MDGA2: variants seen among roughly 807,000 people sequenced by gnomAD.
MDGA2 encodes MAM domain containing glycosylphosphatidylinositol anchor 2, also known as MAM domain-containing glycosylphosphatidylinositol anchor protein 2.
Under a neutral mutation model 117.8 loss-of-function variants are expected in MDGA2, and 40 were observed. The observed-to-expected ratio is 0.34, with a 90% CI of 0.26 to 0.44. The LOEUF is 0.44. Ranked by LOEUF, MDGA2 falls within the 20% of genes least tolerant of loss-of-function variation. The pLI is 1.00. For missense variants in MDGA2, 1,123 were observed against 1,250.6 expected, an observed-to-expected ratio of 0.90 and a Z score of 1.54; for synonymous variants, 452 against 439.0, an observed-to-expected ratio of 1.03 and a Z score of -0.37.
chr14:47,295,189 G>C (rs1889022308), intron 2 of MDGA2, among the ~76,000 whole-genome samples: 1 of 152,144 alleles, frequency 6.6e-6, no homozygotes, highest in Admixed American at 6.5e-5. Flanking sequence ...ATAAAAAGAA[G>C]AAAAGCAGAG....
At chr14:47,142,712 C>T (rs139734060) in intron 4 of MDGA2, among the ~76,000 whole-genome samples, 25 of 152,060 alleles carry the variant, frequency 1.6e-4, no homozygotes, top group African/African-American at 5.5e-4. Context: ...TAAAGTACTG[C>T]GGAATGTATG....
At chr14:46,901,463 T>G (rs2138447804) in intron 10 of MDGA2, among the ~76,000 whole-genome samples, 1 of 152,220 alleles carries the variant, frequency 6.6e-6, no homozygotes, top group South Asian at 2.1e-4. Context: ...CATACAAAAG[T>G]CAGTGGAACA....
intron 2 of MDGA2, among the ~76,000 whole-genome samples, chr14:47,262,115 T>A (rs1887816512): frequency 6.6e-6 from 1 of 152,096 alleles, no homozygotes; most frequent in South Asian, 2.1e-4. Context: ...GACAAGCAGA[T>A]CAGAGAGCTG....
intron 1 of MDGA2, among the ~76,000 whole-genome samples, chr14:47,470,865 C>A: frequency 6.6e-6 from 1 of 152,076 alleles, no homozygotes; most frequent in East Asian, 1.9e-4. Context: ...GGAAGTGATG[C>A]TGATTTTATA....
intron 10 of MDGA2, among the ~76,000 whole-genome samples, chr14:46,899,122 C>G (rs1456189063): frequency 1.3e-5 from 2 of 151,922 alleles, no homozygotes; most frequent in African/African-American, 4.8e-5. Context: ...TCTCCCACAC[C>G]ACATCATTTT....
chr14:47,104,132 G>A (rs1880500956), intron 5 of MDGA2, among the ~76,000 whole-genome samples: 1 of 152,168 alleles, frequency 6.6e-6, no homozygotes, highest in South Asian at 2.1e-4. Context: ...AAAGAAAACT[G>A]CCAAAAGTTA....
At chr14:46,981,063 CAATA>C (rs1218782203) in intron 8 of MDGA2, among the ~76,000 whole-genome samples, 2 of 151,632 alleles carry the variant, frequency 1.3e-5, no homozygotes, top group Admixed American at 6.6e-5. Context: ...ATATTTATGA[CAATA>C]AATAAATATC....
chr14:47,480,918 C>G (rs1448803391), intron 1 of MDGA2, among the ~76,000 whole-genome samples: 1 of 151,808 alleles, frequency 6.6e-6, no homozygotes, highest in Non-Finnish European at 1.5e-5. Context: ...GAGAATTGTT[C>G]TGATAGTAAT....
chr14:47,317,551 A>G (rs758427811), intron 1 of MDGA2, among the ~76,000 whole-genome samples: 1 of 152,084 alleles, frequency 6.6e-6, no homozygotes, highest in Non-Finnish European at 1.5e-5. Context: ...AGCTCTGATT[A>G]TATCTTTTCA....
At chr14:47,085,141 C>T (rs1044876252) in intron 6 of MDGA2, among the ~76,000 whole-genome samples, 4 of 151,820 alleles carry the variant, frequency 2.6e-5, no homozygotes, top group Non-Finnish European at 4.4e-5. Context: ...AAAAGTCTTG[C>T]GATACAGTTA....
At chr14:47,433,455 T>A (rs1315445837) in intron 1 of MDGA2, among the ~76,000 whole-genome samples, 2 of 152,230 alleles carry the variant, frequency 1.3e-5, no homozygotes, top group South Asian at 4.1e-4. Flanking sequence ...TAATTTAAAA[T>A]CACTGTGAAA....
At chr14:47,626,601 G>C (rs1255422910) in intron 1 of MDGA2, 1 of 152,366 alleles carries the variant, frequency 6.6e-6, no homozygotes. Context: ...GCGCTTGCGG[G>C]CCAGCGCGAG....
chr14:47,624,945 A>T (rs1485146652), intron 1 of MDGA2, among the ~76,000 whole-genome samples: 1 of 152,184 alleles, frequency 6.6e-6, no homozygotes, highest in African/African-American at 2.4e-5. Flanking sequence ...AATTAAATGG[A>T]ACCTTCATTT....
intron 2 of MDGA2, among the ~76,000 whole-genome samples, chr14:47,256,665 T>C (rs543282171): frequency 1.3e-5 from 2 of 152,328 alleles, no homozygotes; most frequent in African/African-American, 4.8e-5. Flanking sequence ...TGACTTTAAA[T>C]ATAACTTTTT....
chr14:47,361,624 T>C (rs187456898), intron 1 of MDGA2, among the ~76,000 whole-genome samples: 113 of 152,214 alleles, frequency 7.4e-4, no homozygotes, highest in Non-Finnish European at 1.2e-3. Context: ...AGCATGATTA[T>C]TATCCAGTGC....
intron 1 of MDGA2, among the ~76,000 whole-genome samples, chr14:47,435,796 G>C (rs1317955969): frequency 6.6e-6 from 1 of 152,040 alleles, no homozygotes; most frequent in Non-Finnish European, 1.5e-5. Context: ...CTCATGACCA[G>C]GTTACTGAAA....
At position 47,540,249 on chromosome 14, in the gene MDGA2, G is replaced by A. The variant is rs982601130; in HGVS notation, c.280+134268C>T. On this transcript the variant is annotated intron_variant, in intron 1 of 16. Transcript: ENST00000399232. ...AGGATCGTCTCGATCTCCTGACCTC[G>A]TGATCCGCCCGCCTCGGCCTCCCAA... is the stretch of plus-strand genomic sequence containing the variant. 3.3e-5 allele frequency among the ~76,000 whole-genome samples: 5 copies of A among 151,944 alleles called. No individual in the cohort carries two copies. In the East Asian group the frequency reaches 9.8e-4, roughly 30 times the overall value.
chr14:47,126,037 T>C (rs1365746282), intron 5 of MDGA2, among the ~76,000 whole-genome samples: 2 of 151,996 alleles, frequency 1.3e-5, no homozygotes, highest in African/African-American at 4.8e-5. Flanking sequence ...TATACTCAGT[T>C]ATCCTAATTA....
At chr14:47,249,136 GC>G (rs1887357423) in intron 2 of MDGA2, among the ~76,000 whole-genome samples, 2 of 151,778 alleles carry the variant, frequency 1.3e-5, no homozygotes, top group Non-Finnish European at 2.9e-5. Flanking sequence ...TCCTGCCTCA[GC>G]CCCCCGAGTA....
Sources: gnomAD v4.1 joint callset for allele counts (sites outside exome capture counted in the v4.1 genomes callset) on GRCh38, gnomAD v4.1.1 for gene constraint, MANE v1.5 for transcripts, NCBI Gene and HGNC (gene_info 2026-07-23, HGNC 2026-07-21) for gene names.